Variants in TTN observed in about 807,000 individuals in gnomAD.
TTN encodes connectin.
Under a neutral mutation model 3,223.0 loss-of-function variants are expected in TTN, and 1,525 were observed. The ratio of observed to expected loss-of-function variants is 0.47; its 90% CI spans 0.45 to 0.49. The LOEUF (loss-of-function observed/expected upper bound fraction) is 0.49. Ranked by LOEUF, TTN falls within the 20% of genes least tolerant of loss-of-function variation. TTN has a pLI of 0.00. For synonymous variants in TTN, 14,094 were observed against 15,161.0 expected (o/e 0.93, Z 5.17); for missense variants, 40,786 against 43,424.0 (o/e 0.94, Z 5.40).
Position 178,527,030 on chromosome 2 carries a change from T to C in TTN, c.107958A>G (p.Ile35986Met). ...GGCCCTCTTAAATGGATCGAATATG[T>C]ATATTCACAGTGGCAGAGTCAGATC... ...EFGSDSATVN[I>M]HIRSI The change falls in exon 363 of 363, where the codon ATA becomes ATG. Residue 35986 changes from isoleucine to methionine, a missense_variant. By Grantham distance (10) the Ile-to-Met change is conservative (BLOSUM62 1). Coordinates refer to ENST00000589042, the MANE Select transcript of TTN (RefSeq NM_001267550.2). 1 of 1,613,406 alleles carries C rather than the reference T, an allele frequency of 6.2e-7. No homozygotes were observed. The highest frequency in any genetic ancestry group is 8.5e-7 in the Non-Finnish European group (1 of 1,179,570).
chr2:178,683,055 A>T (rs1226139621), intron 134 of TTN, among the ~76,000 whole-genome samples, 152 bp from the exon 135 acceptor site: 1 of 151,976 alleles, frequency 6.6e-6, no homozygotes, highest in Non-Finnish European at 1.5e-5. Flanking sequence ...CAGTCAAGGT[A>T]TCATAGAGTA....
rs1283273345 is a variant in TTN, at chr2:178,717,989, G to T, written c.25017C>A (p.Asp8339Glu). The change falls in exon 86 of 363, where the codon GAC becomes GAA. Residue 8339 changes from aspartate to glutamate, a missense_variant. Coordinates refer to ENST00000589042, the MANE Select transcript of TTN (RefSeq NM_001267550.2). ...SDVGEYSCKA[D>E]NSVGAVASSA... is the part of the protein sequence containing the mutation. Reference sequence around the variant, plus strand: ...AAGAAGCGACTGCCCCCACACTGTTGTCTGCCTTGCATGAATACTCTCCCA... The same window carrying T: ...AAGAAGCGACTGCCCCCACACTGTTTTCTGCCTTGCATGAATACTCTCCCA... 3 of 1,613,700 alleles carry T rather than the reference G, an allele frequency of 1.9e-6. No homozygotes were observed. The highest frequency in any genetic ancestry group is 2.5e-6 in the Non-Finnish European group (3 of 1,179,670).
At position 178,773,572 on chromosome 2, in the gene TTN, A is replaced by G; in HGVS notation, c.7484T>C (p.Val2495Ala). ...GACTAGTCGCTGTTTAGTACCTTTC[A>G]CAATGGCCTGTACACGGTCATCAGG... The part of the protein sequence containing the change: ...IKPDDRVQAI[V>A]KGTKQRLVIN... Residue 2495 changes from valine (V) to alanine (A), a missense_variant, in exon 32 of 363, where the codon GTG (valine) becomes GCG (alanine). Physicochemically the swap from Val to Ala is moderately conservative, Grantham distance 64 (BLOSUM62 0). Coordinates refer to ENST00000589042, the MANE Select transcript of TTN (RefSeq NM_001267550.2). The G allele has an allele frequency of 6.2e-7, 1 of 1,614,036 alleles. No individual in the cohort carries two copies. The highest frequency in any genetic ancestry group is 8.5e-7 in the Non-Finnish European group (1 of 1,179,970).
chr2:178,576,691 G>T lies in TTN; in HGVS notation c.69553C>A (p.Arg23185=). The stretch of plus-strand genomic sequence containing the variant: ...GGTGTTTTTATTGCTCTCACCCATC[G>T]CAGGCTTTTCTTTTCTCTCCTTTCT... The part of the protein sequence containing the change: ...HVERREKKSL[R]WVRAIKTPVS... Residue 23185 remains arginine (R), a synonymous_variant, in exon 325 of 363, where the codon CGA becomes AGA. Transcript: ENST00000589042. The surrounding 1 kb of genome is among the most constrained non-coding windows in gnomAD (Gnocchi z 4.3). The T allele has an allele frequency of 3.1e-6, 5 of 1,613,388 alleles. No individual in the cohort carries two copies. Among genetic ancestry groups the T allele is most frequent in the Non-Finnish European group, 4.2e-6 (5 of 1,179,562 alleles).
In TTN at chr2:178,738,367, A is replaced by G. The variant is rs1023151846; in HGVS notation, c.14093-7T>C. 5 of 1,605,904 alleles carry G rather than the reference A, an allele frequency of 3.1e-6. No homozygotes were observed. The African/African-American group carries it at 6.7e-5, about 22-fold the overall frequency. ...CTCTTGATCACTGGGGCAGCTGCAAAGGGAAGTAGAGTCCATTAACATGCC... is the reference window on the plus strand; with the variant it reads ...CTCTTGATCACTGGGGCAGCTGCAAGGGGAAGTAGAGTCCATTAACATGCC... On this transcript the variant is annotated splice_region_variant and splice_polypyrimidine_tract_variant and intron_variant, in intron 48 of 362. Transcript: ENST00000589042.
chr2:178,804,503 G>T, intron 2 of TTN, 49 bp downstream of exon 2: 1 of 1,515,670 alleles, frequency 6.6e-7, no homozygotes, highest in South Asian at 1.2e-5. Flanking sequence ...TAACTTACTG[G>T]AGAGGAGGCA....
Position 178,720,061 on chromosome 2 carries a change from A to C in TTN, c.23581T>G (p.Ser7861Ala). The change falls in exon 81 of 363, where the codon TCT (serine) becomes GCT (alanine). Residue 7861 changes from serine to alanine, a missense_variant. Transcript: ENST00000589042. ...ATLQLGSPEASNSGKYICQIK... is the reference protein window; with the variant it reads ...ATLQLGSPEAANSGKYICQIK... ...TGGCATATATATTTTCCAGAATTAG[A>C]TGCTTCTGGACTCCCCAGCTGGAGG... 1 of 1,613,640 alleles carries C rather than the reference A, an allele frequency of 6.2e-7. No individual in the cohort carries two copies. The highest frequency in any genetic ancestry group is 8.5e-7 in the Non-Finnish European group (1 of 1,179,678).
chr2:178,692,881 GT>G (rs776204878), intron 119 of TTN, among the ~76,000 whole-genome samples: 550 of 146,286 alleles, frequency 3.8e-3, no homozygotes, highest in Middle Eastern at 7.0e-3. Context: ...TATGAAGTTA[GT>G]TTTTTTTTTT....
In TTN at chr2:178,768,029, A is replaced by C. The variant is rs373366126; in HGVS notation, c.9290T>G (p.Leu3097Arg). 2.5e-6 allele frequency: 4 copies of C among 1,614,032 alleles called. No homozygotes were observed. The South Asian group carries it at 3.3e-5, about 13-fold the overall frequency. The change falls in exon 39 of 363, where the codon CTG becomes CGG. Residue 3097 changes from leucine (L) to arginine (R), a missense_variant. By Grantham distance (102) the Leu-to-Arg change is moderately radical. Coordinates refer to ENST00000589042, the MANE Select transcript of TTN (RefSeq NM_001267550.2). ...AACAACTGACCTGTCTGTGATCTGC[A>C]GTTCCTGGTCATCTTTCATCCACTG... ...TVQWMKDDQELQITDRIKIQK... is the reference protein window; with the variant it reads ...TVQWMKDDQERQITDRIKIQK...
At position 178,731,977 on chromosome 2, in the gene TTN, G is replaced by C; in HGVS notation, c.16904-6C>G. 6.3e-7 allele frequency: 1 copy of C among 1,599,542 alleles called. No individual in the cohort carries two copies. The highest frequency in any genetic ancestry group is 8.5e-7 in the Non-Finnish European group (1 of 1,170,572). On this transcript the variant is annotated splice_region_variant and splice_polypyrimidine_tract_variant and intron_variant, in intron 57 of 362. Transcript: ENST00000589042. ...CTTGGTAAAATAAGGTGACTCTACA[G>C]TAAAAAAGGAATGATTTGCATTAAG...
At chr2:178,649,201 G>T in intron 213 of TTN, 47 bp downstream of exon 213, 1 of 1,336,022 alleles carries the variant, frequency 7.5e-7, no homozygotes, top group Non-Finnish European at 1.0e-6. Context: ...TTATTAACAT[G>T]CTTAAATAGC....
chr2:178,526,985 G>C lies in TTN; in HGVS notation c.*27C>G. The C allele has an allele frequency of 6.4e-7, 1 of 1,569,094 alleles. No homozygotes were observed. Among genetic ancestry groups the C allele is most frequent in the Non-Finnish European group, 8.7e-7 (1 of 1,154,036 alleles). The stretch of plus-strand genomic sequence containing the variant: ...AACGTTTGCGAAAAGTTAAGAATGA[G>C]TGTAGAGTATAAGGGCACAGGCCCT... On this transcript the variant is annotated 3_prime_UTR_variant, in exon 363 of 363. Coordinates refer to ENST00000589042, the MANE Select transcript of TTN (RefSeq NM_001267550.2).
chr2:178,732,116 G>A lies in TTN; in HGVS notation c.16853C>T (p.Ala5618Val), dbSNP rs774980198. Residue 5618 changes from alanine (A) to valine (V), a missense_variant, in exon 57 of 363, where the codon GCC (alanine) becomes GTC (valine). Ala to Val is a moderately conservative substitution (Grantham distance 64). Transcript: ENST00000589042. ...GTGGTCACTGCCAGCCTCATTTTGG[G>A]CCTCACACATATATTCACCACTGTC... ...IEDSGEYMCEAQNEAGSDHCS... is the reference protein window; with the variant it reads ...IEDSGEYMCEVQNEAGSDHCS... 10 of 1,613,220 alleles carry A rather than the reference G, an allele frequency of 6.2e-6. No homozygotes were observed. In the East Asian group the frequency reaches 2.2e-4, roughly 36 times the overall value.
At chr2:178,791,549 C>T (rs548642030) in intron 10 of TTN, among the ~76,000 whole-genome samples, 20 of 152,090 alleles carry the variant, frequency 1.3e-4, no homozygotes, top group Admixed American at 5.2e-4. Context: ...GTTTATCAAC[C>T]GTGAATTGAA....
At position 178,542,748 on chromosome 2, in the gene TTN, G is replaced by A. The variant is rs559194338; in HGVS notation, c.97106C>T (p.Thr32369Ile). 1.9e-6 allele frequency: 3 copies of A among 1,613,792 alleles called. No homozygotes were observed. In the African/African-American group the frequency reaches 4.0e-5, roughly 22 times the overall value. ...GTATTCTCCAGTATCTCTGATAGTG[G>A]TTTCACGGATGGTTAATTTAGCTAC... ...TKVAKLTIRE[T>I]TIRDTGEYTL... Residue 32369 changes from threonine to isoleucine, a missense_variant, in exon 348 of 363, where the codon ACC becomes ATC. Thr to Ile is a moderately conservative substitution (Grantham distance 89). Coordinates refer to ENST00000589042, the MANE Select transcript of TTN (RefSeq NM_001267550.2).
Position 178,533,078 on chromosome 2 carries a change from C to G in TTN, c.103537G>C (p.Ala34513Pro). 2 of 1,613,934 alleles carry G rather than the reference C, an allele frequency of 1.2e-6. No homozygotes were observed. Among genetic ancestry groups the G allele is most frequent in the Non-Finnish European group, 1.7e-6 (2 of 1,179,870 alleles). ...CCTTTTACAGTCTTGGTGCTTACAG[C>G]CGGTTTATAAAGGACAGCAGCTTCT... Reference protein sequence around the residue: ...LREAAVLYKPAVSTKTVKGEF... With the variant: ...LREAAVLYKPPVSTKTVKGEF... The change falls in exon 358 of 363, where the codon GCT becomes CCT. Residue 34513 changes from alanine to proline, a missense_variant. By Grantham distance (27) the Ala-to-Pro change is conservative. Coordinates refer to ENST00000589042, the MANE Select transcript of TTN (RefSeq NM_001267550.2).
At chr2:178,665,002 A>T in intron 165 of TTN, 76 bp from the exon 166 acceptor site, 13 of 1,463,822 alleles carry the variant, frequency 8.9e-6, no homozygotes, top group Non-Finnish European at 1.0e-5. Flanking sequence ...AAGTTAGGAA[A>T]TATAACCACA....
intron 50 of TTN, 32 bp from the exon 51 acceptor site, chr2:178,735,020 A>C: frequency 6.7e-7 from 1 of 1,497,068 alleles, no homozygotes; most frequent in Non-Finnish European, 8.9e-7. Context: ...GAAAAAGGAG[A>C]AGATATCTGA....
chr2:178,640,001 G>A (rs768898378), intron 222 of TTN, 47 bp downstream of exon 222: 4 of 1,598,168 alleles, frequency 2.5e-6, no homozygotes, highest in Admixed American at 1.7e-5. Flanking sequence ...TTATGTGTGT[G>A]AATACAGAAA....
Sources: gnomAD v4.1 joint callset for allele counts (sites outside exome capture counted in the v4.1 genomes callset) on GRCh38, gnomAD v4.1.1 for gene constraint, Gnocchi (gnomAD v3.1) non-coding constraint, MANE v1.5 for transcripts, NCBI Gene and HGNC (gene_info 2026-07-23, HGNC 2026-07-21) for gene names.